The following RHOH variants were observed in gnomAD, a reference collection of about 807,000 sequenced individuals.
RHOH encodes rho-related GTP-binding protein RhoH.
In RHOH, 6 loss-of-function variants were observed where a neutral mutation model predicts 13.8. The ratio of observed to expected loss-of-function variants is 0.44; its 90% CI spans 0.24 to 0.86. RHOH has a LOEUF of 0.86. Among genes scored for constraint, RHOH ranks in the 40% least tolerant of loss-of-function variants. RHOH has a pLI of 0.24. For missense variants in RHOH, 147 were observed against 244.5 expected, an observed-to-expected ratio of 0.60 and a Z score of 2.66; for synonymous variants, 117 against 103.0, an observed-to-expected ratio of 1.14 and a Z score of -0.82.
intron 1 of RHOH, among the ~76,000 whole-genome samples, chr4:40,238,213 C>G (rs1482143571): frequency 6.7e-6 from 1 of 150,286 alleles, no homozygotes; most frequent in Non-Finnish European, 1.5e-5. Context: ...CTGGCGGGGG[C>G]ATCTGATCTG....
At chr4:40,219,409 T>A (rs1338273277) in intron 1 of RHOH, among the ~76,000 whole-genome samples, 15 of 79,336 alleles carry the variant, frequency 1.9e-4, no homozygotes, top group Non-Finnish European at 3.5e-4. Flanking sequence ...AGACTCCATC[T>A]CAAAAAAAAA....
At chr4:40,197,609 T>G (rs1723361359) in intron 1 of RHOH, among the ~76,000 whole-genome samples, 1 of 152,226 alleles carries the variant, frequency 6.6e-6, no homozygotes, top group Non-Finnish European at 1.5e-5. Context: ...ATGGGTAGTT[T>G]AAATACTACC....
intron 1 of RHOH, among the ~76,000 whole-genome samples, chr4:40,211,033 G>T (rs182543517): frequency 6.6e-6 from 1 of 152,236 alleles, no homozygotes; most frequent in East Asian, 1.9e-4. Context: ...CTAACAATGC[G>T]TGCCGTAGAG....
intron 1 of RHOH, among the ~76,000 whole-genome samples, chr4:40,242,023 C>T (rs906812360): frequency 1.3e-5 from 2 of 152,184 alleles, no homozygotes; most frequent in African/African-American, 4.8e-5. Flanking sequence ...TCAGGAAGAT[C>T]GCCAGGGAGG....
chr4:40,244,303 C>T lies in RHOH; in HGVS notation c.*341C>T. The T allele has an allele frequency of 3.7e-6, 1 of 272,546 alleles. No homozygotes were observed. Among genetic ancestry groups the T allele is most frequent in the East Asian group, 5.9e-5 (1 of 16,820 alleles). The allele number at this position is 272,546 out of a possible 1,614,324, so 16.9% of individuals were successfully genotyped here. A position where few individuals can be genotyped will look rare whatever the true frequency, so the allele number is the denominator to read the frequency against. The stretch of plus-strand genomic sequence containing the variant: ...AAGACACATTTTATTTAACTAATAA[C>T]AAAATGTATTGCTTTTGTATATATT... On this transcript the variant is annotated 3_prime_UTR_variant, in exon 3 of 3. Coordinates refer to ENST00000381799, the MANE Select transcript of RHOH (RefSeq NM_004310.5).
At chr4:40,193,478 G>C (rs1249074856), upstream of RHOH, among the ~76,000 whole-genome samples, 1 of 68,152 alleles carries the variant, frequency 1.5e-5, no homozygotes, top group African/African-American at 5.8e-5. Context: ...AAGAATGAGA[G>C]CGAGAGAGAG....
chr4:40,224,096 A>G (rs1378831133), intron 1 of RHOH, among the ~76,000 whole-genome samples: 1 of 152,098 alleles, frequency 6.6e-6, no homozygotes, highest in Non-Finnish European at 1.5e-5. Context: ...GTGCACTAGG[A>G]AACAAAAAAA....
Position 40,243,208 on chromosome 4 carries a change from C to A in RHOH, c.-179C>A. 1 of 505,138 alleles carries A rather than the reference C, an allele frequency of 2.0e-6. No homozygotes were observed. The highest frequency in any genetic ancestry group is 3.6e-6 in the Non-Finnish European group (1 of 281,124). The allele number at this position is 505,138 out of a possible 1,614,324, so 31.3% of individuals were successfully genotyped here. On this transcript the variant is annotated 5_prime_UTR_variant, in exon 3 of 3. Coordinates refer to ENST00000381799, the MANE Select transcript of RHOH (RefSeq NM_004310.5). The surrounding 1 kb of genome is among the most constrained non-coding windows in gnomAD (Gnocchi z 6.2). ...GACTAGGCTTTGGAGGTTTTCAAAG[C>A]AGACGGTGCTTGGATGGGCAGGGAG...
In RHOH at chr4:40,246,782, G is replaced by A. The variant is rs1729791521; in HGVS notation, c.*2820G>A. On this transcript the variant is annotated 3_prime_UTR_variant, in exon 3 of 3. Coordinates refer to ENST00000381799, the MANE Select transcript of RHOH (RefSeq NM_004310.5). ...GTAAGAAGAAAAATAGGTCATATGGGTAGAATCCGTGTGTTGTGTGTTCTA... is the reference window on the plus strand; with the variant it reads ...GTAAGAAGAAAAATAGGTCATATGGATAGAATCCGTGTGTTGTGTGTTCTA... 6.6e-6 allele frequency: 1 copy of A among 152,188 alleles called. No individual in the cohort carries two copies. The highest frequency in any genetic ancestry group is 1.5e-5 in the Non-Finnish European group (1 of 68,038). 9.4% of individuals were successfully genotyped at this position (152,188 alleles called of 1,614,324 possible).
intron 1 of RHOH, among the ~76,000 whole-genome samples, chr4:40,228,741 C>G (rs1727540306): frequency 6.6e-6 from 1 of 152,230 alleles, no homozygotes; most frequent in African/African-American, 2.4e-5. Flanking sequence ...AAGATAGAAA[C>G]CTCCAAAGCC....
intron 1 of RHOH, among the ~76,000 whole-genome samples, chr4:40,211,975 T>C (rs1457033444): frequency 6.6e-6 from 1 of 152,214 alleles, no homozygotes; most frequent in Non-Finnish European, 1.5e-5. Flanking sequence ...AGCTGGACTA[T>C]GCTTCTGAGT....
rs1401168564 is a variant in RHOH at position 40,218,873 on chromosome 4, A to G, written c.-331+21573A>G. Among the ~76,000 whole-genome samples the G allele has an allele frequency of 6.6e-6, 1 of 152,196 alleles. No individual in the cohort carries two copies. Among genetic ancestry groups the G allele is most frequent in the Non-Finnish European group, 1.5e-5 (1 of 68,026 alleles). On this transcript the variant is annotated intron_variant, in intron 1 of 2. Coordinates refer to ENST00000381799, the MANE Select transcript of RHOH (RefSeq NM_004310.5). The surrounding 1 kb of genome is among the most constrained non-coding windows in gnomAD (Gnocchi z 4.1). Reference sequence around the variant, plus strand: ...TCAGTCCAGGGCTCTGATCACCACAAGCTGCCTCTATATACAGTATAGTGA... The same window carrying G: ...TCAGTCCAGGGCTCTGATCACCACAGGCTGCCTCTATATACAGTATAGTGA...
At chr4:40,199,324 G>A (rs1247098206) in intron 1 of RHOH, among the ~76,000 whole-genome samples, 1 of 152,194 alleles carries the variant, frequency 6.6e-6, no homozygotes, top group Non-Finnish European at 1.5e-5. Flanking sequence ...TGGCTTAAGA[G>A]CAAGAAGCCT....
intron 1 of RHOH, among the ~76,000 whole-genome samples, chr4:40,213,433 G>T (rs1477832925): frequency 7.9e-5 from 12 of 151,332 alleles, no homozygotes; most frequent in Admixed American, 7.2e-4. Context: ...AGCCTCATGG[G>T]AAATGGAACA....
At chr4:40,228,377 A>G (rs1196152322) in intron 1 of RHOH, among the ~76,000 whole-genome samples, 1 of 152,188 alleles carries the variant, frequency 6.6e-6, no homozygotes, top group East Asian at 1.9e-4. Flanking sequence ...TATAATGTGT[A>G]TGTACTACTT....
At chr4:40,235,217 C>T (rs982351154) in intron 1 of RHOH, 5 of 152,198 alleles carry the variant, frequency 3.3e-5, no homozygotes, top group African/African-American at 1.2e-4. Flanking sequence ...CGTGGGTATA[C>T]AGCTTGGTGG....
chr4:40,242,038 G>A (rs35549795), intron 1 of RHOH, among the ~76,000 whole-genome samples: 2 of 152,312 alleles, frequency 1.3e-5, no homozygotes, highest in African/African-American at 4.8e-5. Flanking sequence ...GGGAGGGGAG[G>A]TTACAAGCCC....
upstream of RHOH, among the ~76,000 whole-genome samples, chr4:40,196,487 C>T (rs763815789): frequency 2.6e-5 from 4 of 152,174 alleles, no homozygotes; most frequent in African/African-American, 4.8e-5. Flanking sequence ...CCCAGGTGCT[C>T]GTCCATACAG....
At chr4:40,231,563 C>T (rs1477625829) in intron 1 of RHOH, among the ~76,000 whole-genome samples, 1 of 152,196 alleles carries the variant, frequency 6.6e-6, no homozygotes. Context: ...ACAGATCTGT[C>T]TCTCTCCTCT....
Sources: allele counts gnomAD v4.1 joint callset (sites outside exome capture counted in the v4.1 genomes callset), GRCh38; gene constraint gnomAD v4.1.1; non-coding constraint Gnocchi (gnomAD v3.1); transcripts MANE v1.5; gene names NCBI Gene and HGNC (gene_info 2026-07-23, HGNC 2026-07-21).